HLCS: variants seen among roughly 807,000 people sequenced by gnomAD.
HLCS encodes biotin--protein ligase.
A neutral mutation model predicts 75.0 loss-of-function variants in HLCS; 53 were observed. The ratio of observed to expected loss-of-function variants is 0.71; its 90% CI spans 0.57 to 0.89. HLCS has a LOEUF of 0.89. HLCS is among the 40% of genes least tolerant of loss of function. The probability of loss-of-function intolerance (pLI) is 0.00; values close to 1 mark genes in which losing one functional copy is unlikely to be tolerated. For missense variants in HLCS, 966 were observed against 1,074.0 expected (o/e 0.90, Z 1.41); for synonymous variants, 431 against 428.6 (o/e 1.01, Z -0.07).
At chr21:36,805,218 A>G (rs576842956) in intron 6 of HLCS, among the ~76,000 whole-genome samples, 38 of 152,330 alleles carry the variant, frequency 2.5e-4, no homozygotes, top group Admixed American at 1.2e-3. Context: ...GTTGGCAAGG[A>G]CAAAAGATGC....
At chr21:36,892,071 T>C (rs2146315192) in intron 6 of HLCS, among the ~76,000 whole-genome samples, 1 of 152,252 alleles carries the variant, frequency 6.6e-6, no homozygotes, top group South Asian at 2.1e-4. Context: ...GTTACTCACA[T>C]GGAACCAATC....
Position 36,749,721 on chromosome 21 carries a change from G to A in HLCS, c.*4525C>T, listed in dbSNP as rs1001821709. 5.8e-4 allele frequency: 89 copies of A among 152,226 alleles called. No homozygotes were observed. Among genetic ancestry groups the A allele is most frequent in the African/African-American group, 2.1e-3 (86 of 41,564 alleles). 9.4% of individuals were successfully genotyped at this position (152,226 alleles called of 1,614,324 possible). A position where few individuals can be genotyped will look rare whatever the true frequency, so the allele number is the denominator to read the frequency against. ...TGTTCATGAGTCTTGTAATTAAACCGTGATTCTTGAAAGGTGTAGGTTTGA... is the reference window on the plus strand; with the variant it reads ...TGTTCATGAGTCTTGTAATTAAACCATGATTCTTGAAAGGTGTAGGTTTGA... On this transcript the variant is annotated 3_prime_UTR_variant, in exon 11 of 11. Transcript: ENST00000674895.
rs767776747 is a variant in HLCS at position 36,854,348 on chromosome 21, G to A, written c.1892+42512C>T. ...CTCTACCACAGGAACAAAAGCTCCC[G>A]GGGTTCCCACCAGAGACAGGCACAT... On this transcript the variant is annotated intron_variant, in intron 6 of 10. Transcript: ENST00000674895. Among the ~76,000 whole-genome samples, 17 of 152,134 alleles carry A rather than the reference G, an allele frequency of 1.1e-4. 1 individual carries two copies. Among genetic ancestry groups the A allele is most frequent in the Admixed American group, 2.0e-4 (3 of 15,282 alleles).
chr21:36,924,475 G>A (rs1167773456), intron 5 of HLCS, among the ~76,000 whole-genome samples: 1 of 152,124 alleles, frequency 6.6e-6, no homozygotes, highest in Non-Finnish European at 1.5e-5. Context: ...CAGGAGAATC[G>A]CTTGAACCCA....
chr21:36,966,368 G>T, intron 1 of HLCS, 76 bp downstream of exon 1: 1 of 671,138 alleles, frequency 1.5e-6, no homozygotes, highest in Non-Finnish European at 1.8e-6. Context: ...CCGGGCTCCC[G>T]GCGGGGACGA....
upstream of HLCS, chr21:36,966,683 A>C: frequency 1.1e-6 from 1 of 927,684 alleles, no homozygotes; most frequent in Non-Finnish European, 1.3e-6. Flanking sequence ...CGCCCGCCCC[A>C]GCGCCCCAGG....
chr21:36,971,782 T>C (rs1394808861), intron 1 of HLCS: 24 of 149,676 alleles, frequency 1.6e-4, no homozygotes, highest in Admixed American at 1.5e-3. Flanking sequence ...TGAGCCGAGA[T>C]TGCACCACTG....
At chr21:36,862,980 T>G (rs1228356498) in intron 6 of HLCS, among the ~76,000 whole-genome samples, 1 of 150,430 alleles carries the variant, frequency 6.6e-6, no homozygotes, top group Admixed American at 6.6e-5. Flanking sequence ...CGGGGTCTCA[T>G]TATGTTGCTC....
At chr21:36,901,976 T>TG (rs1414935217) in intron 5 of HLCS, among the ~76,000 whole-genome samples, 1 of 151,866 alleles carries the variant, frequency 6.6e-6, no homozygotes, top group African/African-American at 2.4e-5. Flanking sequence ...TGGACAGCAG[T>TG]GGGGGGCGGT....
At chr21:36,918,437 C>T (rs982660940) in intron 5 of HLCS, among the ~76,000 whole-genome samples, 7 of 152,180 alleles carry the variant, frequency 4.6e-5, no homozygotes, top group Non-Finnish European at 8.8e-5. Context: ...CCAACTTCTT[C>T]GTAAGGTGCA....
intron 6 of HLCS, among the ~76,000 whole-genome samples, chr21:36,806,877 G>C (rs1033240060): frequency 2.0e-4 from 30 of 152,322 alleles, no homozygotes; most frequent in Admixed American, 7.8e-4. Flanking sequence ...CTGCACTCAA[G>C]GTGTCAGCGG....
chr21:36,894,080 A>G (rs1045179308), intron 6 of HLCS, among the ~76,000 whole-genome samples: 1 of 152,144 alleles, frequency 6.6e-6, no homozygotes, highest in Non-Finnish European at 1.5e-5. Context: ...TGCTGTTCTC[A>G]TGATAGTGAG....
chr21:36,783,988 G>C (rs551962580), intron 6 of HLCS, among the ~76,000 whole-genome samples: 1 of 152,276 alleles, frequency 6.6e-6, no homozygotes, highest in East Asian at 1.9e-4. Flanking sequence ...CGGGCCATGG[G>C]GAAGGGGTAT....
chr21:36,865,487 A>G (rs1297201850), intron 6 of HLCS, among the ~76,000 whole-genome samples: 1 of 152,080 alleles, frequency 6.6e-6, no homozygotes, highest in Non-Finnish European at 1.5e-5. Context: ...ATAAATTAGA[A>G]CTCTGTGGCT....
rs375530513 is a variant in HLCS at position 36,956,545 on chromosome 21, G to A, written c.330+5491C>T. On this transcript the variant is annotated intron_variant, in intron 2 of 10. Coordinates refer to ENST00000674895, the MANE Select transcript of HLCS (RefSeq NM_001352514.2). ...AGATCAAGACCATTCTGGCTAACAC[G>A]GTGAAACCCCATCTCTACTAAACAT... Among the ~76,000 whole-genome samples the A allele has an allele frequency of 6.6e-5, 10 of 152,094 alleles. No individual in the cohort carries two copies. The East Asian group carries it at 1.4e-3, about 21-fold the overall frequency.
At chr21:36,920,371 G>A (rs2066111473) in intron 5 of HLCS, among the ~76,000 whole-genome samples, 1 of 151,228 alleles carries the variant, frequency 6.6e-6, no homozygotes, top group Admixed American at 6.6e-5. Flanking sequence ...CCACCCTAGT[G>A]GGAAGGTGGG....
chr21:36,971,989 G>T (rs771962716), intron 1 of HLCS: 4 of 152,092 alleles, frequency 2.6e-5, no homozygotes, highest in Non-Finnish European at 4.4e-5. Context: ...ATTAGTAGGT[G>T]GCAAATTCTT....
intron 6 of HLCS, among the ~76,000 whole-genome samples, chr21:36,787,203 G>A (rs1402004994): frequency 1.3e-5 from 2 of 152,212 alleles, no homozygotes; most frequent in East Asian, 1.9e-4. Flanking sequence ...GCACTGCCAC[G>A]TCCACTCTGA....
intron 6 of HLCS, among the ~76,000 whole-genome samples, chr21:36,853,656 A>G (rs948235434): frequency 6.6e-6 from 1 of 152,238 alleles, no homozygotes; most frequent in Non-Finnish European, 1.5e-5. Context: ...TCTCTTAACT[A>G]TCCTTCAGAT....
Sources: gnomAD v4.1 joint callset for allele counts (sites outside exome capture counted in the v4.1 genomes callset) on GRCh38, gnomAD v4.1.1 for gene constraint, MANE v1.5 for transcripts, NCBI Gene and HGNC (gene_info 2026-07-23, HGNC 2026-07-21) for gene names.